PDE4DIP: variants seen among roughly 807,000 people sequenced by gnomAD.
The protein encoded by PDE4DIP is phosphodiesterase 4D interacting protein.
Under a neutral mutation model 221.4 loss-of-function variants are expected in PDE4DIP, and 59 were observed. The ratio of observed to expected loss-of-function variants is 0.27; its 90% CI spans 0.22 to 0.33. The LOEUF (loss-of-function observed/expected upper bound fraction) is 0.33, where lower values mean the gene tolerates loss of function less well. PDE4DIP is among the 10% of genes least tolerant of loss of function. The probability of loss-of-function intolerance (pLI) is 1.00; values close to 1 mark genes in which losing one functional copy is unlikely to be tolerated. For synonymous variants in PDE4DIP, 404 were observed against 815.9 expected (o/e 0.50, Z 8.60); for missense variants, 1,036 against 2,154.2 (o/e 0.48, Z 10.28).
Position 148,985,186 on chromosome 1 carries a change from A to C in PDE4DIP, c.2815+3789A>C, listed in dbSNP as rs1215042828. 1.2e-4 allele frequency: 19 copies of C among 152,304 alleles called. No individual in the cohort carries two copies. The East Asian group carries it at 3.1e-3, about 25-fold the overall frequency. 9.4% of individuals were successfully genotyped at this position (152,304 alleles called of 1,614,324 possible). A position where few individuals can be genotyped will look rare whatever the true frequency, so the allele number is the denominator to read the frequency against. ...CTGAGTTCTCTCAGGGTTAAAGCTC[A>C]GTGAGCTTTTCTTTTCTCTTTGGTA... On this transcript the variant is annotated intron_variant, in intron 21 of 43. Transcript: ENST00000369354.
At chr1:148,814,202 C>T (rs1553354257) in intron 1 of PDE4DIP, among the ~76,000 whole-genome samples, 1 of 814 alleles carries the variant, frequency 1.2e-3, no homozygotes, top group South Asian at 7.1e-3. Context: ...GTGTTAGGTT[C>T]TTTGAATTTC....
intron 17 of PDE4DIP, 78 bp from the exon 21 acceptor site, chr1:148,977,859 A>T: frequency 1.3e-6 from 2 of 1,566,994 alleles, no homozygotes; most frequent in African/African-American, 1.4e-5. Context: ...TTACTGGCTG[A>T]TAGTAATAGG....
intron 43 of PDE4DIP, 125 bp from the exon 47 acceptor site, chr1:149,031,819 C>T: frequency 1.2e-6 from 1 of 852,938 alleles, no homozygotes; most frequent in Admixed American, 2.0e-5. Context: ...TTAGCTCATC[C>T]TCTTAACTGG....
At chr1:148,885,429 CAAAGAG>C (rs1553429602), upstream of PDE4DIP, among the ~76,000 whole-genome samples, 1 of 150,454 alleles carries the variant, frequency 6.6e-6, no homozygotes, top group South Asian at 2.1e-4. Context: ...TGAGAAATAA[CAAAGAG>C]AAACAGTGTG....
At position 149,024,546 on chromosome 1, in the gene PDE4DIP, CAG is replaced by C. The variant is rs782121262; in HGVS notation, c.6188_6189del (p.Gln2063ArgfsTer28). 1.1e-6 allele frequency: 1 copy of C among 936,704 alleles called. No individual in the cohort carries two copies. The highest frequency in any genetic ancestry group is 1.7e-6 in the Non-Finnish European group (1 of 595,914). 58.0% of individuals were successfully genotyped at this position (936,704 alleles called of 1,614,324 possible). ...GAGAGGGCAGCTGGAGCAGAGCATT[CAG>C]GGGAACAATTGTCTGCGACTGCAGC... On this transcript the variant is annotated frameshift_variant, in exon 38 of 44. Transcript: ENST00000369354. LOFTEE classifies it high-confidence loss of function.
chr1:148,986,747 TAGG>T (rs1553550112), intron 21 of PDE4DIP, among the ~76,000 whole-genome samples: 1 of 152,198 alleles, frequency 6.6e-6, no homozygotes, highest in East Asian at 1.9e-4. Context: ...TTCTTTGCTG[TAGG>T]AGAATAGCAG....
chr1:149,017,134 T>A (rs1350304070), intron 33 of PDE4DIP, among the ~76,000 whole-genome samples: 1 of 151,192 alleles, frequency 6.6e-6, no homozygotes, highest in Non-Finnish European at 1.5e-5. Flanking sequence ...TTTTGCTTTG[T>A]TTGGCAGGGG....
chr1:148,923,252 C>T (rs1428765557), intron 1 of PDE4DIP, among the ~76,000 whole-genome samples: 2 of 148,696 alleles, frequency 1.3e-5, no homozygotes, highest in African/African-American at 2.5e-5. Context: ...GTGAGAATGT[C>T]TTTTAAAGAC....
chr1:148,920,195 C>T (rs1573420348), intron 1 of PDE4DIP, among the ~76,000 whole-genome samples: 3 of 146,756 alleles, frequency 2.0e-5, no homozygotes, highest in Non-Finnish European at 3.0e-5. Context: ...TGCAGTGGCG[C>T]AATCTTCGCT....
chr1:148,981,676 A>G (rs2061093759), intron 21 of PDE4DIP: 1 of 389,256 alleles, frequency 2.6e-6, no homozygotes, highest in Admixed American at 3.6e-5. Context: ...CACATTTTAA[A>G]TCATTCTGTT....
intron 1 of PDE4DIP, among the ~76,000 whole-genome samples, chr1:148,917,184 A>G (rs2044284792): frequency 6.6e-6 from 1 of 151,864 alleles, no homozygotes; most frequent in Admixed American, 6.6e-5. Flanking sequence ...GGCCACATCA[A>G]CAGAGGCCTC....
At chr1:148,989,137 T>G in intron 21 of PDE4DIP, 1 of 308,196 alleles carries the variant, frequency 3.2e-6, no homozygotes, top group Non-Finnish European at 6.3e-6. Context: ...GGACCTTGTA[T>G]GAGATAACTT....
At chr1:148,964,153 A>G (rs181281045) in intron 9 of PDE4DIP, among the ~76,000 whole-genome samples, 16,673 of 137,030 alleles carry the variant, frequency 0.12, 1,203 homozygotes, top group East Asian at 0.16. Flanking sequence ...CTTGTTGCCC[A>G]GGCTGGAGTG....
intron 21 of PDE4DIP, chr1:148,983,098 C>G (rs2061373708): frequency 6.6e-6 from 1 of 152,056 alleles, no homozygotes; most frequent in Non-Finnish European, 1.5e-5. Flanking sequence ...TAGGCCGATC[C>G]ATCCACTTTT....
intron 31 of PDE4DIP, 147 bp downstream of exon 34, chr1:149,010,742 T>C: frequency 1.5e-6 from 1 of 671,974 alleles, no homozygotes; most frequent in Admixed American, 2.7e-5. Context: ...CATTTTCCAG[T>C]TGTGTCTGAT....
At chr1:148,995,677 G>A (rs2064037410) in intron 22 of PDE4DIP, among the ~76,000 whole-genome samples, 1 of 151,368 alleles carries the variant, frequency 6.6e-6, no homozygotes, top group South Asian at 2.1e-4. Flanking sequence ...TACAAATACT[G>A]GAAGCCCTGG....
chr1:149,029,802 A>G (rs782667039), exon 42 of PDE4DIP: 13 of 1,571,328 alleles, frequency 8.3e-6, no homozygotes, highest in Non-Finnish European at 1.1e-5. Flanking sequence ...ATCAACAGAA[A>G]GGGAACTTCT....
intron 16 of PDE4DIP, among the ~76,000 whole-genome samples, chr1:148,973,051 A>G (rs1216120505): frequency 7.2e-6 from 1 of 138,012 alleles, no homozygotes; most frequent in Non-Finnish European, 1.6e-5. Flanking sequence ...TACCTGCCTC[A>G]GTCCCAGAAT....
intron 19 of PDE4DIP, 139 bp downstream of exon 22, chr1:148,978,554 G>C (rs1261452639): frequency 1.7e-6 from 1 of 572,816 alleles, no homozygotes; most frequent in Non-Finnish European, 3.1e-6. Flanking sequence ...CATCCTCCTC[G>C]GCCCCTCAAA....
Sources: allele counts gnomAD v4.1 joint callset (sites outside exome capture counted in the v4.1 genomes callset), GRCh38; gene constraint gnomAD v4.1.1; transcripts MANE v1.5; gene names NCBI Gene and HGNC (gene_info 2026-07-23, HGNC 2026-07-21).